ROBO2: variants seen among roughly 807,000 people sequenced by gnomAD.
ROBO2 encodes the protein roundabout homolog 2.
Under a neutral mutation model 160.8 loss-of-function variants are expected in ROBO2, and 53 were observed. That is an observed-to-expected ratio of 0.33 (90% CI 0.26 to 0.41). The LOEUF (loss-of-function observed/expected upper bound fraction) is 0.41, where lower values mean the gene tolerates loss of function less well. Ranked by LOEUF, ROBO2 falls within the 10% of genes least tolerant of loss-of-function variation. ROBO2 has a pLI of 1.00. For synonymous variants in ROBO2, 664 were observed against 611.7 expected, an observed-to-expected ratio of 1.09 and a Z score of -1.26; for missense variants, 1,577 against 1,722.4, an observed-to-expected ratio of 0.92 and a Z score of 1.49.
intron 23 of ROBO2, chr3:77,631,556 T>A (rs2095163778): frequency 6.6e-6 from 1 of 152,192 alleles, no homozygotes. Context: ...AACATAAATC[T>A]TGTAATATTA....
At chr3:76,525,773 C>G (rs1374980164) in intron 2 of ROBO2, among the ~76,000 whole-genome samples, 1 of 151,972 alleles carries the variant, frequency 6.6e-6, no homozygotes, top group Middle Eastern at 3.2e-3. Context: ...GTATCACTCC[C>G]ATTATTGTTT....
intron 2 of ROBO2, among the ~76,000 whole-genome samples, chr3:77,158,393 G>C (rs1315545890): frequency 6.6e-6 from 1 of 152,052 alleles, no homozygotes; most frequent in Non-Finnish European, 1.5e-5. Context: ...ATGTAGTTCA[G>C]TGTGTGAAAA....
intron 2 of ROBO2, among the ~76,000 whole-genome samples, chr3:77,419,321 A>T (rs192955835): frequency 2.0e-3 from 300 of 152,274 alleles, no homozygotes; most frequent in Non-Finnish European, 3.4e-3. Context: ...TTTCACATGT[A>T]TATCTCATTT....
chr3:77,461,340 G>A (rs1348681438), intron 2 of ROBO2, among the ~76,000 whole-genome samples: 1 of 151,814 alleles, frequency 6.6e-6, no homozygotes, highest in Non-Finnish European at 1.5e-5. Flanking sequence ...ATTTTAATGA[G>A]CCAACATTAT....
At chr3:77,051,439 C>G (rs1283362690) in intron 1 of ROBO2, among the ~76,000 whole-genome samples, 4 of 152,098 alleles carry the variant, frequency 2.6e-5, no homozygotes, top group Non-Finnish European at 5.9e-5. Flanking sequence ...TTTTAAGAAC[C>G]CTTTCCAGGC....
chr3:76,889,896 A>G (rs567742641), intron 2 of ROBO2, among the ~76,000 whole-genome samples: 12 of 152,256 alleles, frequency 7.9e-5, no homozygotes, highest in African/African-American at 2.9e-4. Flanking sequence ...AAGAGGTAAC[A>G]TATTATGGCA....
chr3:76,939,080 A>G (rs1268184927), intron 2 of ROBO2, among the ~76,000 whole-genome samples: 3 of 152,096 alleles, frequency 2.0e-5, no homozygotes, highest in Admixed American at 6.6e-5. Context: ...TGGGTAAGGC[A>G]GAAAATGGAA....
In ROBO2 at chr3:77,607,960, G is replaced by T. The variant is rs758459656; in HGVS notation, c.3293+6G>T. On this transcript the variant is annotated splice_donor_region_variant and intron_variant, in intron 21 of 25. Coordinates refer to ENST00000461745, the Ensembl canonical transcript of ROBO2. ...GTGGAACAACAAGAAAATGGGTAAA[G>T]ATATTTTATATACTAGCAAAATGGC... is the stretch of plus-strand genomic sequence containing the variant. 6.2e-7 allele frequency: 1 copy of T among 1,613,792 alleles called. No individual in the cohort carries two copies. Among genetic ancestry groups the T allele is most frequent in the Non-Finnish European group, 8.5e-7 (1 of 1,179,912 alleles).
intron 2 of ROBO2, among the ~76,000 whole-genome samples, chr3:77,431,038 C>G (rs2078715904): frequency 6.6e-6 from 1 of 152,124 alleles, no homozygotes; most frequent in African/African-American, 2.4e-5. Flanking sequence ...ATTTCTCATC[C>G]TGATATTAAT....
At chr3:77,503,503 C>G (rs1176854058) in intron 5 of ROBO2, among the ~76,000 whole-genome samples, 3 of 149,226 alleles carry the variant, frequency 2.0e-5, no homozygotes, top group African/African-American at 7.4e-5. Context: ...CAGCCTGGGC[C>G]ACAGAGAGAG....
chr3:76,096,797 G>A (rs961188156), intron 2 of ROBO2, among the ~76,000 whole-genome samples: 2 of 152,110 alleles, frequency 1.3e-5, no homozygotes, highest in Non-Finnish European at 2.9e-5. Flanking sequence ...ATACAACAAT[G>A]TAACTATGTA....
At chr3:76,625,524 G>GT (rs1440746909) in intron 2 of ROBO2, among the ~76,000 whole-genome samples, 1 of 145,930 alleles carries the variant, frequency 6.9e-6, no homozygotes, top group Non-Finnish European at 1.5e-5. Context: ...ACGTGCAGCA[G>GT]GAAAAAAAAA....
At chr3:77,518,758 G>A (rs2090291225) in intron 5 of ROBO2, among the ~76,000 whole-genome samples, 1 of 151,472 alleles carries the variant, frequency 6.6e-6, no homozygotes, top group South Asian at 2.1e-4. Context: ...TGATCCTCAA[G>A]GAGAAATTAA....
At chr3:76,465,227 A>G (rs1345784417) in intron 2 of ROBO2, among the ~76,000 whole-genome samples, 3 of 152,082 alleles carry the variant, frequency 2.0e-5, no homozygotes, top group African/African-American at 4.8e-5. Context: ...ATATCTTAAG[A>G]TATGTTTCTA....
chr3:76,156,254 A>G (rs1291394348), intron 2 of ROBO2, among the ~76,000 whole-genome samples: 2 of 152,198 alleles, frequency 1.3e-5, no homozygotes. Context: ...AATACAAAGT[A>G]ATAAGAAAGT....
chr3:77,596,775 G>A (rs765595093), intron 19 of ROBO2, 25 bp downstream of exon 20: 3 of 1,599,644 alleles, frequency 1.9e-6, no homozygotes, highest in Non-Finnish European at 2.6e-6. Flanking sequence ...TTAAAATAGT[G>A]TTATTTGAGT....
chr3:77,624,500 GTATA>G (rs1343370439), intron 23 of ROBO2, among the ~76,000 whole-genome samples: 2 of 152,116 alleles, frequency 1.3e-5, no homozygotes, highest in Non-Finnish European at 2.9e-5. Context: ...TGAGGTAGAT[GTATA>G]TAGAGACTGA....
chr3:76,345,465 CAG>C (rs997428983), intron 2 of ROBO2, among the ~76,000 whole-genome samples: 3 of 136,642 alleles, frequency 2.2e-5, no homozygotes, highest in South Asian at 2.3e-4. Flanking sequence ...TTTTTAAGCA[CAG>C]GGGAAATATT....
intron 2 of ROBO2, among the ~76,000 whole-genome samples, chr3:76,920,114 A>G (rs1378408509): frequency 6.6e-6 from 1 of 152,212 alleles, no homozygotes; most frequent in Non-Finnish European, 1.5e-5. Flanking sequence ...TTTTGCCAAT[A>G]AATGTATCAC....
Sources: gnomAD v4.1 joint callset for allele counts (sites outside exome capture counted in the v4.1 genomes callset) on GRCh38, gnomAD v4.1.1 for gene constraint, MANE v1.5 for transcripts, NCBI Gene and HGNC (gene_info 2026-07-23, HGNC 2026-07-21) for gene names.